The following TESC variants were observed in gnomAD, a reference collection of about 807,000 sequenced individuals.
The protein encoded by TESC is calcineurin B homologous protein 3.
Under a neutral mutation model 31.0 loss-of-function variants are expected in TESC, and 19 were observed. The ratio of observed to expected loss-of-function variants is 0.61; its 90% CI spans 0.43 to 0.90. The LOEUF is 0.90. Ranked by LOEUF, TESC falls within the 40% of genes least tolerant of loss-of-function variation. The probability of loss-of-function intolerance (pLI) is 0.00; values close to 1 mark genes in which losing one functional copy is unlikely to be tolerated. For missense variants in TESC, 248 were observed against 303.8 expected (o/e 0.82, Z 1.36); for synonymous variants, 109 against 114.8 (o/e 0.95, Z 0.32).
Position 117,041,991 on chromosome 12 carries a change from G to GGCGCCA in TESC, c.522_523insTGGCGC (p.Glu174_Pro175insTrpArg). The GGCGCCA allele has an allele frequency of 6.3e-7, 1 of 1,595,050 alleles. No homozygotes were observed. Among genetic ancestry groups the GGCGCCA allele is most frequent in the Non-Finnish European group, 8.5e-7 (1 of 1,170,424 alleles). On this transcript the variant is annotated inframe_insertion, in exon 7 of 8. Transcript: ENST00000335209. Reference sequence around the variant, plus strand: ...GTGATCCCCTCGTACACCTGATCAGGCTCCTGGGGACGGAAGCACAGGGTG... The same window carrying GGCGCCA: ...GTGATCCCCTCGTACACCTGATCAGGGCGCCACTCCTGGGGACGGAAGCACAGGGTG...
At chr12:117,056,007 G>A (rs756778739) in intron 3 of TESC, among the ~76,000 whole-genome samples, 6 of 146,874 alleles carry the variant, frequency 4.1e-5, no homozygotes, top group Middle Eastern at 3.5e-3. Context: ...TGCAACGTCC[G>A]CCTCCCGGGT....
intron 1 of TESC, among the ~76,000 whole-genome samples, chr12:117,094,430 C>T (rs1955363633): frequency 6.6e-6 from 1 of 152,126 alleles, no homozygotes; most frequent in Non-Finnish European, 1.5e-5. Context: ...GTTTTAAAGT[C>T]CCCAGGGACT....
intron 1 of TESC, among the ~76,000 whole-genome samples, chr12:117,080,423 G>A (rs994512609): frequency 6.6e-6 from 1 of 152,090 alleles, no homozygotes; most frequent in African/African-American, 2.4e-5. Flanking sequence ...AGCCCAGATC[G>A]CACCACTGCA....
chr12:117,099,185 T>C (rs984123532), intron 1 of TESC, 40 bp downstream of exon 1: 1 of 1,470,112 alleles, frequency 6.8e-7, no homozygotes, highest in Non-Finnish European at 8.9e-7. Context: ...CGTTCGGAGG[T>C]CCCGCCCCGG....
At position 117,049,196 on chromosome 12, in the gene TESC, A is replaced by G. The variant is rs149789658; in HGVS notation, c.210-38T>C. On this transcript the variant is annotated intron_variant, in intron 3 of 7. Transcript: ENST00000335209. The stretch of plus-strand genomic sequence containing the variant: ...CAAGGAGGGTGTTGGAAATAAATGA[A>G]GAACTGGATCTTGTCCTCTTGCTAC... 30 of 1,613,432 alleles carry G rather than the reference A, an allele frequency of 1.9e-5. No homozygotes were observed. The African/African-American group carries it at 2.4e-4, about 13-fold the overall frequency.
At chr12:117,043,339 G>A (rs1413501787) in intron 6 of TESC, among the ~76,000 whole-genome samples, 1 of 152,026 alleles carries the variant, frequency 6.6e-6, no homozygotes, top group Admixed American at 6.6e-5. Flanking sequence ...CTCTCTCTGT[G>A]ACTGTCTGAA....
intron 2 of TESC, among the ~76,000 whole-genome samples, chr12:117,071,261 G>A (rs1257374508): frequency 1.3e-5 from 2 of 152,200 alleles, no homozygotes; most frequent in East Asian, 3.8e-4. Flanking sequence ...GTTCATTTGA[G>A]CACTCTCACA....
chr12:117,072,858 G>A (rs1463675622), intron 2 of TESC, among the ~76,000 whole-genome samples: 2 of 152,156 alleles, frequency 1.3e-5, no homozygotes, highest in East Asian at 3.9e-4. Context: ...GCCCACTGCA[G>A]TCTTGAACCC....
rs781405332 is a variant in TESC, at chr12:117,046,775, A to G, written c.411+2T>C. ...CGGGCGGGCCAGAGGAGCATACTTTACATTTCGATATTCTTCCAGAGTGAT... is the reference window on the plus strand; with the variant it reads ...CGGGCGGGCCAGAGGAGCATACTTTGCATTTCGATATTCTTCCAGAGTGAT... On this transcript the variant is annotated splice_donor_variant, in intron 5 of 7. Transcript: ENST00000335209. LOFTEE classifies it high-confidence loss of function. The G allele has an allele frequency of 6.4e-7, 1 of 1,562,686 alleles. No individual in the cohort carries two copies. The highest frequency in any genetic ancestry group is 1.2e-5 in the South Asian group (1 of 84,862).
intron 6 of TESC, among the ~76,000 whole-genome samples, chr12:117,043,727 A>C (rs1182520147): frequency 6.6e-6 from 1 of 152,128 alleles, no homozygotes; most frequent in Non-Finnish European, 1.5e-5. Context: ...GGGGCTCCCA[A>C]AGTGCTGGGA....
rs139178181 is a variant in TESC, at chr12:117,058,070, A to G, written c.129-1184T>C. ...CCCCATCTCTACTAAAAATACAAAA[A>G]TTACCCGGGTGTGGTGGCGCACATC... On this transcript the variant is annotated intron_variant, in intron 2 of 7. Coordinates refer to ENST00000335209, the MANE Select transcript of TESC (RefSeq NM_017899.4). 2.6e-4 allele frequency among the ~76,000 whole-genome samples: 39 copies of G among 152,160 alleles called. No homozygotes were observed. In the East Asian group the frequency reaches 7.3e-3, roughly 29 times the overall value.
intron 1 of TESC, among the ~76,000 whole-genome samples, chr12:117,075,574 C>T (rs1487034241): frequency 6.6e-6 from 1 of 151,912 alleles, no homozygotes; most frequent in Non-Finnish European, 1.5e-5. Context: ...AATAATAATA[C>T]AACTATTACT....
chr12:117,089,184 C>A (rs12315321), intron 1 of TESC, among the ~76,000 whole-genome samples: 34 of 152,178 alleles, frequency 2.2e-4, no homozygotes, highest in Middle Eastern at 3.4e-3. Flanking sequence ...GAGCCACACA[C>A]TGGTGAAAAA....
At chr12:117,045,015 C>T (rs965951637) in intron 6 of TESC, among the ~76,000 whole-genome samples, 2 of 152,216 alleles carry the variant, frequency 1.3e-5, no homozygotes, top group South Asian at 2.1e-4. Flanking sequence ...ACGGTCAGAA[C>T]GGGAAGTGTC....
chr12:117,041,450 T>G (rs954904717), intron 7 of TESC, among the ~76,000 whole-genome samples: 1 of 151,950 alleles, frequency 6.6e-6, no homozygotes, highest in African/African-American at 2.4e-5. Flanking sequence ...CTCCCGCCTC[T>G]GCCTCCCGAG....
intron 1 of TESC, among the ~76,000 whole-genome samples, chr12:117,090,301 G>T (rs1426572311): frequency 6.6e-6 from 1 of 152,188 alleles, no homozygotes; most frequent in Admixed American, 6.5e-5. Flanking sequence ...AGTACATTAA[G>T]GTCCCCAATT....
At chr12:117,065,404 T>C (rs1322351938) in intron 2 of TESC, among the ~76,000 whole-genome samples, 1 of 151,992 alleles carries the variant, frequency 6.6e-6, no homozygotes, top group Non-Finnish European at 1.5e-5. Context: ...AAGGGAGGAA[T>C]CAAAGGTGAC....
chr12:117,058,988 G>A (rs777024956), intron 2 of TESC, among the ~76,000 whole-genome samples: 8 of 152,134 alleles, frequency 5.3e-5, no homozygotes, highest in African/African-American at 1.2e-4. Context: ...GGGCCTCCAC[G>A]GGCAGTGTCT....
intron 2 of TESC, among the ~76,000 whole-genome samples, chr12:117,063,707 G>C (rs1425485626): frequency 1.3e-5 from 2 of 152,154 alleles, no homozygotes; most frequent in Non-Finnish European, 2.9e-5. Context: ...GTCCCTCTGA[G>C]TTCCCCTTCC....
Sources: gnomAD v4.1 joint callset for allele counts (sites outside exome capture counted in the v4.1 genomes callset) on GRCh38, gnomAD v4.1.1 for gene constraint, MANE v1.5 for transcripts, NCBI Gene and HGNC (gene_info 2026-07-23, HGNC 2026-07-21) for gene names.